The following PTPRK variants were observed in gnomAD, a reference collection of about 807,000 sequenced individuals.
PTPRK encodes protein tyrosine phosphatase receptor type K.
PTPRK carries 75 observed loss-of-function variants against 178.0 expected under a neutral mutation model. The ratio of observed to expected loss-of-function variants is 0.42; its 90% CI spans 0.35 to 0.51. PTPRK has a LOEUF of 0.51. Among genes scored for constraint, PTPRK ranks in the 20% least tolerant of loss-of-function variants. The probability of loss-of-function intolerance (pLI) is 0.02; values close to 1 mark genes in which losing one functional copy is unlikely to be tolerated. For missense variants in PTPRK, 1,441 were observed against 1,797.8 expected (o/e 0.80, Z 3.59); for synonymous variants, 637 against 620.6 (o/e 1.03, Z -0.39).
intron 7 of PTPRK, among the ~76,000 whole-genome samples, chr6:128,103,362 C>T (rs961750236): frequency 6.6e-6 from 1 of 152,058 alleles, no homozygotes; most frequent in Non-Finnish European, 1.5e-5. Context: ...GACAAAGACC[C>T]GGGTACCAAG....
At chr6:128,246,534 T>A (rs1353640957) in intron 3 of PTPRK, among the ~76,000 whole-genome samples, 2 of 152,194 alleles carry the variant, frequency 1.3e-5, no homozygotes, top group Non-Finnish European at 2.9e-5. Flanking sequence ...ATTTCTAAGA[T>A]CAGATTCCTT....
intron 3 of PTPRK, among the ~76,000 whole-genome samples, chr6:128,283,642 A>AAT (rs1325601728): frequency 6.6e-6 from 1 of 152,204 alleles, no homozygotes; most frequent in African/African-American, 2.4e-5. Flanking sequence ...ACCGAAAAAT[A>AAT]ATATAAATAG....
chr6:128,345,175 T>C (rs1336964080), intron 2 of PTPRK, among the ~76,000 whole-genome samples: 3 of 152,114 alleles, frequency 2.0e-5, no homozygotes, highest in African/African-American at 4.8e-5. Context: ...CATAAATTCA[T>C]AGATACATGT....
intron 7 of PTPRK, among the ~76,000 whole-genome samples, chr6:128,102,914 G>C (rs1226340568): frequency 6.6e-6 from 1 of 152,150 alleles, no homozygotes; most frequent in African/African-American, 2.4e-5. Context: ...GCAGGGAAAT[G>C]CTGGGTAGAA....
chr6:128,414,053 TAAG>T (rs1468217664), intron 1 of PTPRK, among the ~76,000 whole-genome samples: 1 of 152,116 alleles, frequency 6.6e-6, no homozygotes, highest in Non-Finnish European at 1.5e-5. Context: ...ATTCAGCCCT[TAAG>T]AAGGACTGAG....
At position 128,084,695 on chromosome 6, in the gene PTPRK, C is replaced by T. The variant is rs1400791783; in HGVS notation, c.1466-871G>A. Among the ~76,000 whole-genome samples the T allele has an allele frequency of 2.0e-5, 3 of 152,300 alleles. No homozygotes were observed. In the East Asian group the frequency reaches 5.8e-4, roughly 29 times the overall value. On this transcript the variant is annotated intron_variant, in intron 8 of 29. Coordinates refer to ENST00000368226, the MANE Select transcript of PTPRK (RefSeq NM_002844.4). The stretch of plus-strand genomic sequence containing the variant: ...AAATACCAGATAAAAAATTCTTTCG[C>T]TATCGTGTATTTTCCTTTTATATAT...
intron 1 of PTPRK, among the ~76,000 whole-genome samples, chr6:128,413,342 A>G (rs917910668): frequency 6.6e-6 from 1 of 152,182 alleles, no homozygotes; most frequent in Non-Finnish European, 1.5e-5. Context: ...CTTTTCAAGG[A>G]AAACGCAGAG....
At chr6:128,396,688 T>C (rs1292473352) in intron 2 of PTPRK, among the ~76,000 whole-genome samples, 1 of 152,088 alleles carries the variant, frequency 6.6e-6, no homozygotes, top group Non-Finnish European at 1.5e-5. Flanking sequence ...AATCAAAGGA[T>C]ATAACAAAGT....
chr6:128,322,247 G>A lies in PTPRK; in HGVS notation c.287C>T (p.Pro96Leu). The A allele has an allele frequency of 6.2e-7, 1 of 1,612,650 alleles. No individual in the cohort carries two copies. Among genetic ancestry groups the A allele is most frequent in the Non-Finnish European group, 8.5e-7 (1 of 1,178,778 alleles). ...DPGEKARLQL[P>L]TMKENDTHCI... ...GTGAGTGTCGTTCTCCTTCATTGTA[G>A]GCAGCTGAAGTCTGGCTTTTTCTCC... is the stretch of plus-strand genomic sequence containing the variant. Residue 96 changes from proline to leucine, a missense_variant, in exon 3 of 30, where the codon CCT (proline) becomes CTT (leucine). Pro to Leu is a moderately conservative substitution (Grantham distance 98). This residue lies in a region of PTPRK where 158 missense variants were observed against 188.0 expected (regional missense o/e 0.84). Transcript: ENST00000368226.
chr6:128,501,834 G>A (rs1329589118), intron 1 of PTPRK, among the ~76,000 whole-genome samples: 1 of 151,984 alleles, frequency 6.6e-6, no homozygotes, highest in East Asian at 1.9e-4. Context: ...TTAAATCAAA[G>A]CCCAAATGCA....
intron 7 of PTPRK, among the ~76,000 whole-genome samples, chr6:128,131,923 T>C (rs930181012): frequency 3.9e-5 from 6 of 152,194 alleles, no homozygotes; most frequent in Non-Finnish European, 7.3e-5. Context: ...AATATCATAC[T>C]GGTTAATAGT....
intron 3 of PTPRK, among the ~76,000 whole-genome samples, chr6:128,299,852 A>G (rs1825251988): frequency 1.3e-5 from 2 of 152,178 alleles, no homozygotes; most frequent in Admixed American, 1.3e-4. Flanking sequence ...CAATGGCAAC[A>G]AAACCCAAAA....
intron 6 of PTPRK, among the ~76,000 whole-genome samples, chr6:128,202,028 G>A (rs1806053894): frequency 6.6e-6 from 1 of 152,138 alleles, no homozygotes; most frequent in Non-Finnish European, 1.5e-5. Context: ...GGAAAGTGAA[G>A]AAATTGATAT....
intron 1 of PTPRK, among the ~76,000 whole-genome samples, chr6:128,470,468 A>C (rs1178404029): frequency 6.6e-6 from 1 of 152,022 alleles, no homozygotes; most frequent in East Asian, 1.9e-4. Flanking sequence ...AATTATTCAT[A>C]ATAGCCTAGT....
intron 1 of PTPRK, among the ~76,000 whole-genome samples, chr6:128,467,158 C>T (rs1359296902): frequency 6.6e-6 from 1 of 152,034 alleles, no homozygotes; most frequent in Non-Finnish European, 1.5e-5. Context: ...CACCACCGCG[C>T]CCGGCTAATT....
intron 1 of PTPRK, among the ~76,000 whole-genome samples, chr6:128,447,245 A>C (rs1253055918): frequency 6.6e-6 from 1 of 152,246 alleles, no homozygotes; most frequent in Admixed American, 6.5e-5. Context: ...CCTGTGAAAT[A>C]AGAGAAATCC....
chr6:128,076,610 C>A (rs186473243), intron 11 of PTPRK, among the ~76,000 whole-genome samples: 1 of 152,034 alleles, frequency 6.6e-6, no homozygotes, highest in East Asian at 1.9e-4. Flanking sequence ...ATTTATTTTT[C>A]TGAGCACTAA....
At chr6:127,983,452 C>G in intron 22 of PTPRK, 75 bp from the exon 23 acceptor site, 1 of 1,486,522 alleles carries the variant, frequency 6.7e-7, no homozygotes, top group South Asian at 1.2e-5. Flanking sequence ...ACTTTTTCCA[C>G]TGTCAGATAG....
At chr6:128,387,682 T>A (rs1421566429) in intron 2 of PTPRK, among the ~76,000 whole-genome samples, 1 of 152,144 alleles carries the variant, frequency 6.6e-6, no homozygotes, top group Non-Finnish European at 1.5e-5. Context: ...TGTTCCCTTA[T>A]TTATTCCACA....
Sources: gnomAD v4.1 joint callset for allele counts (sites outside exome capture counted in the v4.1 genomes callset) on GRCh38, gnomAD v4.1.1 for gene constraint, gnomAD v4.1.1 regional missense constraint, MANE v1.5 for transcripts, NCBI Gene and HGNC (gene_info 2026-07-23, HGNC 2026-07-21) for gene names.